DPH6: variants seen among roughly 807,000 people sequenced by gnomAD.
The protein encoded by DPH6 is diphthine--ammonia ligase.
A neutral mutation model predicts 38.2 loss-of-function variants in DPH6; 33 were observed. The ratio of observed to expected loss-of-function variants is 0.86; its 90% CI spans 0.65 to 1.15. The LOEUF is 1.15. Among genes scored for constraint, DPH6 ranks in the 50% most tolerant of loss-of-function variants. The pLI is 0.00. For missense variants in DPH6, 325 were observed against 320.0 expected, an observed-to-expected ratio of 1.02 and a Z score of -0.12; for synonymous variants, 108 against 103.0, an observed-to-expected ratio of 1.05 and a Z score of -0.30.
chr15:35,289,761 G>C (rs933063134), intron 3 of DPH6, among the ~76,000 whole-genome samples: 5 of 152,172 alleles, frequency 3.3e-5, no homozygotes, highest in Admixed American at 3.3e-4. Flanking sequence ...CTTTATGAAT[G>C]TTTCCTGAAA....
chr15:35,354,376 C>T (rs2052541593), intron 3 of DPH6, among the ~76,000 whole-genome samples: 1 of 152,138 alleles, frequency 6.6e-6, no homozygotes, highest in Non-Finnish European at 1.5e-5. Context: ...AAAGGGAATG[C>T]TTCCAGTTTT....
At chr15:35,515,600 A>G (rs1437646584) in intron 3 of DPH6, among the ~76,000 whole-genome samples, 1 of 151,890 alleles carries the variant, frequency 6.6e-6, no homozygotes, top group African/African-American at 2.4e-5. Context: ...GGGCGCCTGT[A>G]GTCCCAGCTA....
intron 3 of DPH6, among the ~76,000 whole-genome samples, chr15:35,357,322 G>A (rs1457270921): frequency 2.0e-5 from 3 of 152,222 alleles, no homozygotes. Flanking sequence ...CCAGTGAGAT[G>A]AACCCGGTAT....
chr15:35,251,909 C>CAG (rs1478564936), intron 3 of DPH6, among the ~76,000 whole-genome samples: 1 of 152,204 alleles, frequency 6.6e-6, no homozygotes, highest in South Asian at 2.1e-4. Flanking sequence ...GAGGCTGTGG[C>CAG]AGGTTTATCA....
the DPH6 span, among the ~76,000 whole-genome samples, chr15:35,185,035 T>G: frequency 6.6e-6 from 1 of 151,628 alleles, no homozygotes; most frequent in Non-Finnish European, 1.5e-5. Context: ...GAATTGAAAG[T>G]GAAGATATAT....
intron 5 of DPH6, among the ~76,000 whole-genome samples, chr15:35,413,511 A>T (rs922991004): frequency 6.6e-6 from 1 of 151,798 alleles, no homozygotes; most frequent in Non-Finnish European, 1.5e-5. Context: ...TGATGGAATT[A>T]TTCTGCTTAT....
At chr15:35,196,255 G>A in the DPH6 span, among the ~76,000 whole-genome samples, 14 of 152,300 alleles carry the variant, frequency 9.2e-5, no homozygotes, top group Admixed American at 2.6e-4. Context: ...AAAATAGGTT[G>A]TGGCAGAAAA....
chr15:35,341,783 A>C (rs2052423685), intron 3 of DPH6, among the ~76,000 whole-genome samples: 1 of 152,160 alleles, frequency 6.6e-6, no homozygotes, highest in South Asian at 2.1e-4. Context: ...CGCTGTTCCA[A>C]ACACGCTTGT....
intron 3 of DPH6, among the ~76,000 whole-genome samples, chr15:35,230,829 A>G (rs2051512068): frequency 6.6e-6 from 1 of 152,184 alleles, no homozygotes; most frequent in Admixed American, 6.5e-5. Context: ...AAGGGAGTTC[A>G]AGACTCTGAA....
chr15:35,447,059 T>C (rs2053863513), intron 5 of DPH6, among the ~76,000 whole-genome samples: 1 of 151,916 alleles, frequency 6.6e-6, no homozygotes, highest in Non-Finnish European at 1.5e-5. Flanking sequence ...TCAGTAGAGA[T>C]GGGGTTTCAC....
chr15:35,531,353 C>T (rs2055084419), intron 3 of DPH6, among the ~76,000 whole-genome samples: 1 of 152,178 alleles, frequency 6.6e-6, no homozygotes, highest in Non-Finnish European at 1.5e-5. Context: ...TTGAAAACTT[C>T]CACTATGATG....
chr15:35,350,988 C>G (rs944440998), intron 3 of DPH6, among the ~76,000 whole-genome samples: 1 of 152,160 alleles, frequency 6.6e-6, no homozygotes, highest in Non-Finnish European at 1.5e-5. Context: ...TTACTTTTCT[C>G]TGGCTGATCT....
rs1362514553 is a variant in DPH6, at chr15:35,371,606, A to T, written c.*544T>A. 1.0e-6 allele frequency: 1 copy of T among 983,444 alleles called. No homozygotes were observed. The highest frequency in any genetic ancestry group is 1.7e-5 in the African/African-American group (1 of 57,184). 60.9% of individuals were successfully genotyped at this position (983,444 alleles called of 1,614,324 possible). ...CAGCATTTTAAAAATCAGTTATAAA[A>T]TAACTTGTAAGAGTTAAGGACATTC... On this transcript the variant is annotated 3_prime_UTR_variant, in exon 9 of 9. Transcript: ENST00000256538.
At position 35,298,385 on chromosome 15, in the gene DPH6, A is replaced by T. The variant is rs2052029522; in HGVS notation, n.200+75136T>A. 7.1e-6 allele frequency: 5 copies of T among 706,846 alleles called. No individual in the cohort carries two copies. The Admixed American group carries it at 8.9e-5, about 13-fold the overall frequency. 43.8% of individuals were successfully genotyped at this position (706,846 alleles called of 1,614,324 possible). A position where few individuals can be genotyped will look rare whatever the true frequency, so the allele number is the denominator to read the frequency against. ...CTGATTTAACTCTCTCAAATTCTAAAAATATCCGTACTGCTTCATCATCAG... is the reference window on the plus strand; with the variant it reads ...CTGATTTAACTCTCTCAAATTCTAATAATATCCGTACTGCTTCATCATCAG... On this transcript the variant is annotated intron_variant and non_coding_transcript_variant, in intron 3 of 3. Transcript: ENST00000560386.
intron 6 of DPH6, among the ~76,000 whole-genome samples, chr15:35,382,716 A>G (rs1566888671): frequency 2.6e-5 from 4 of 152,174 alleles, no homozygotes; most frequent in Admixed American, 2.0e-4. Flanking sequence ...TTATGCTTGC[A>G]GTTGTTATTA....
chr15:35,245,969 A>T (rs2051635215), intron 3 of DPH6, among the ~76,000 whole-genome samples: 1 of 152,214 alleles, frequency 6.6e-6, no homozygotes. Flanking sequence ...AAAAGAAGTG[A>T]AAATGGCCGG....
intron 3 of DPH6, chr15:35,282,811 C>T (rs1221736075): frequency 1.2e-5 from 4 of 337,854 alleles, no homozygotes; most frequent in Admixed American, 9.9e-5. Context: ...CAGCACAGGA[C>T]CATCAGCCCA....
At chr15:35,469,516 A>G (rs753830041) in intron 3 of DPH6, among the ~76,000 whole-genome samples, 5 of 152,200 alleles carry the variant, frequency 3.3e-5, no homozygotes, top group Admixed American at 6.5e-5. Flanking sequence ...TCATAAGTTT[A>G]TAAGGAATGA....
chr15:35,372,226 G>C, intron 8 of DPH6, 23 bp from the exon 9 acceptor site: 2 of 1,475,282 alleles, frequency 1.4e-6, no homozygotes, highest in Non-Finnish European at 1.8e-6. Context: ...GGGAAGGAAA[G>C]GGAAGGAAAA....
Sources: gnomAD v4.1 joint callset for allele counts (sites outside exome capture counted in the v4.1 genomes callset) on GRCh38, gnomAD v4.1.1 for gene constraint, MANE v1.5 for transcripts, NCBI Gene and HGNC (gene_info 2026-07-23, HGNC 2026-07-21) for gene names.